The following SYN3 variants were observed in gnomAD, a reference collection of about 807,000 sequenced individuals.
SYN3 encodes synapsin-3.
A neutral mutation model predicts 65.8 loss-of-function variants in SYN3; 35 were observed. The ratio of observed to expected loss-of-function variants is 0.53; its 90% CI spans 0.41 to 0.70. The LOEUF is 0.70. Ranked by LOEUF, SYN3 falls within the 30% of genes least tolerant of loss-of-function variation. The pLI, the probability that SYN3 is intolerant of heterozygous loss-of-function variation, is 0.00. For synonymous variants in SYN3, 270 were observed against 292.9 expected, an observed-to-expected ratio of 0.92 and a Z score of 0.80; for missense variants, 680 against 749.0, an observed-to-expected ratio of 0.91 and a Z score of 1.08.
chr22:32,892,514 G>A (rs972790220), intron 4 of SYN3, among the ~76,000 whole-genome samples: 1 of 152,152 alleles, frequency 6.6e-6, no homozygotes, highest in African/African-American at 2.4e-5. Flanking sequence ...TGTGATGAGT[G>A]CTGTGAAGGA....
rs1363294587 is a variant in SYN3 at position 32,538,023 on chromosome 22, C to T, written c.992+13G>A. On this transcript the variant is annotated intron_variant, in intron 9 of 13. Transcript: ENST00000358763. ...TGGCCAGTGCCTCTCCCTACACCTC[C>T]TTTGTCTCTTACCTCTCTGTCATGG... 1.2e-6 allele frequency: 2 copies of T among 1,613,472 alleles called. No homozygotes were observed. Among genetic ancestry groups the T allele is most frequent in the African/African-American group, 2.7e-5 (2 of 74,902 alleles).
chr22:33,040,037 T>G (rs1208143062), intron 1 of SYN3, among the ~76,000 whole-genome samples: 1 of 151,784 alleles, frequency 6.6e-6, no homozygotes, highest in Non-Finnish European at 1.5e-5. Flanking sequence ...TTTTTTTCTT[T>G]TTTTTTTTGA....
intron 2 of SYN3, among the ~76,000 whole-genome samples, chr22:32,985,140 T>C (rs993468218): frequency 6.6e-6 from 1 of 152,156 alleles, no homozygotes; most frequent in African/African-American, 2.4e-5. Context: ...ATGAGGCTCA[T>C]AGTAGTAGCC....
chr22:32,789,611 A>G (rs135152), intron 6 of SYN3, among the ~76,000 whole-genome samples: 88,343 of 152,052 alleles, frequency 0.58, 26,691 homozygotes, highest in East Asian at 0.87. Flanking sequence ...TAGTACTTAA[A>G]TATTTATGTG....
intron 6 of SYN3, among the ~76,000 whole-genome samples, chr22:32,805,103 G>A (rs1156333090): frequency 1.3e-5 from 2 of 152,136 alleles, no homozygotes; most frequent in Admixed American, 1.3e-4. Flanking sequence ...CAGAGAAAGA[G>A]AATTTTGCTT....
intron 7 of SYN3, among the ~76,000 whole-genome samples, chr22:32,555,154 T>C (rs1005999818): frequency 6.6e-6 from 1 of 152,100 alleles, no homozygotes; most frequent in East Asian, 1.9e-4. Context: ...GAAGAGAGTC[T>C]AGGCCGAGGA....
rs72336175 is a variant in SYN3 at position 32,718,650 on chromosome 22, CA to C, written c.712-121915del. Among the ~76,000 whole-genome samples the C allele has an allele frequency of 2.1e-3, 279 of 135,368 alleles. 1 individual carries two copies. Among genetic ancestry groups the C allele is most frequent in the East Asian group, 0.017 (78 of 4,654 alleles). 88.8% of individuals were successfully genotyped at this position (135,368 alleles called of 152,430 possible). A position where few individuals can be genotyped will look rare whatever the true frequency, so the allele number is the denominator to read the frequency against. ...ATTTCCACATAGAAGTGAAACTGAC[CA>C]AAAAAAAAAAATCAACCAGAAATTC... On this transcript the variant is annotated intron_variant, in intron 6 of 13. Coordinates refer to ENST00000358763, the MANE Select transcript of SYN3 (RefSeq NM_003490.4).
intron 4 of SYN3, among the ~76,000 whole-genome samples, chr22:32,886,423 C>T (rs1396395973): frequency 2.6e-5 from 4 of 152,216 alleles, no homozygotes; most frequent in East Asian, 3.9e-4. Context: ...CTTAGGATCC[C>T]GGCTCCCCCA....
chr22:32,802,249 A>T, intron 6 of SYN3: 1 of 1,380,558 alleles, frequency 7.2e-7, no homozygotes, highest in Non-Finnish European at 9.6e-7. Flanking sequence ...GTTGGGGCGG[A>T]GTGGAGAAAC....
At chr22:32,780,613 C>T (rs1555958285) in intron 6 of SYN3, among the ~76,000 whole-genome samples, 1 of 152,158 alleles carries the variant, frequency 6.6e-6, no homozygotes, top group Non-Finnish European at 1.5e-5. Context: ...ACCTTGACCT[C>T]AAATATTTGC....
intron 2 of SYN3, among the ~76,000 whole-genome samples, chr22:32,986,179 G>A (rs2052521575): frequency 6.6e-6 from 1 of 151,890 alleles, no homozygotes; most frequent in African/African-American, 2.4e-5. Flanking sequence ...ACTGTCTGTA[G>A]GCCGGCCTTT....
intron 2 of SYN3, among the ~76,000 whole-genome samples, chr22:32,985,355 T>C (rs1244919575): frequency 6.6e-6 from 1 of 152,156 alleles, no homozygotes; most frequent in Non-Finnish European, 1.5e-5. Flanking sequence ...TCTTACCCTC[T>C]TGGGGGTTCC....
chr22:32,656,373 G>A (rs1366990865), intron 6 of SYN3, among the ~76,000 whole-genome samples: 3 of 152,190 alleles, frequency 2.0e-5, no homozygotes, highest in East Asian at 3.9e-4. Flanking sequence ...AAAGGATTAA[G>A]CGACATGATG....
intron 6 of SYN3, among the ~76,000 whole-genome samples, chr22:32,631,164 A>G (rs544826245): frequency 2.9e-3 from 442 of 152,262 alleles, no homozygotes; most frequent in Middle Eastern, 0.02. Flanking sequence ...GCGTGGTGGC[A>G]TGCGCCTGTA....
intron 4 of SYN3, among the ~76,000 whole-genome samples, chr22:32,884,703 C>A (rs769030890): frequency 2.6e-5 from 4 of 152,118 alleles, no homozygotes; most frequent in Non-Finnish European, 4.4e-5. Context: ...ATGGTGAAAT[C>A]CTGTCTTTAC....
intron 6 of SYN3, among the ~76,000 whole-genome samples, chr22:32,735,561 C>A (rs913563680): frequency 1.3e-5 from 2 of 152,054 alleles, no homozygotes; most frequent in Admixed American, 6.6e-5. Context: ...CCCCAGCTTC[C>A]CTGCAAATCC....
rs114390916 is a variant in SYN3, at chr22:32,952,064, C to T, written c.370-20583G>A. Among the ~76,000 whole-genome samples, 1,490 of 152,256 alleles carry T rather than the reference C, an allele frequency of 9.8e-3. 22 individuals are homozygous for T. Among genetic ancestry groups the T allele is most frequent in the African/African-American group, 0.034 (1,423 of 41,538 alleles). ...TCAGTGACTTCCTTGGCTGGCATCT[C>T]AGGGCTGAGCTCTTTCCCACCAGTT... On this transcript the variant is annotated intron_variant, in intron 3 of 13. Coordinates refer to ENST00000358763, the MANE Select transcript of SYN3 (RefSeq NM_003490.4).
intron 7 of SYN3, among the ~76,000 whole-genome samples, chr22:32,584,806 C>A (rs1482083242): frequency 6.6e-6 from 1 of 152,100 alleles, no homozygotes; most frequent in African/African-American, 2.4e-5. Context: ...TGGCTTCAGG[C>A]CTGGTGTGAG....
intron 6 of SYN3, among the ~76,000 whole-genome samples, chr22:32,710,586 T>C (rs1463163583): frequency 6.8e-6 from 1 of 147,308 alleles, no homozygotes; most frequent in Non-Finnish European, 1.5e-5. Context: ...TGAGTTGAGA[T>C]TGTGCCACTG....
Sources: gnomAD v4.1 joint callset for allele counts (sites outside exome capture counted in the v4.1 genomes callset) on GRCh38, gnomAD v4.1.1 for gene constraint, MANE v1.5 for transcripts, NCBI Gene and HGNC (gene_info 2026-07-23, HGNC 2026-07-21) for gene names.